Variants in MRPS22 observed in about 807,000 individuals in gnomAD.
MRPS22 encodes small ribosomal subunit protein mS22.
In MRPS22, 30 loss-of-function variants were observed where a neutral mutation model predicts 44.0. The observed-to-expected ratio is 0.68, with a 90% confidence interval of 0.51 to 0.93. The LOEUF (loss-of-function observed/expected upper bound fraction) is 0.93, where lower values mean the gene tolerates loss of function less well. MRPS22 is among the 40% of genes least tolerant of loss of function. The pLI is 0.00. For missense variants in MRPS22, 447 were observed against 447.8 expected (o/e 1.00, Z 0.02); for synonymous variants, 165 against 154.4 (o/e 1.07, Z -0.51).
intron 6 of MRPS22, among the ~76,000 whole-genome samples, chr3:139,353,072 G>A (rs1241817879): frequency 6.6e-6 from 1 of 152,140 alleles, no homozygotes; most frequent in Non-Finnish European, 1.5e-5. Context: ...ATGCTCCTGG[G>A]TTGCTGAACT....
intron 1 of MRPS22, among the ~76,000 whole-genome samples, chr3:139,345,458 T>TG (rs1249462555): frequency 4.7e-5 from 7 of 148,724 alleles, no homozygotes; most frequent in Non-Finnish European, 8.9e-5. Flanking sequence ...TTGTTTTTTT[T>TG]TTTTTTTTGT....
At position 139,344,837 on chromosome 3, in the gene MRPS22, GATTA is replaced by G. The variant is rs543659791; in HGVS notation, c.172+647_172+650del. On this transcript the variant is annotated intron_variant, in intron 1 of 7. Transcript: ENST00000680020. The stretch of plus-strand genomic sequence containing the variant: ...GTCCCATTTACACCAAGATGAAGAA[GATTA>G]ATTAATTGTTGGAACCGTTATTTTG... 4.6e-4 allele frequency: 254 copies of G among 555,170 alleles called. 3 individuals carry two copies. The South Asian group carries it at 5.2e-3, about 11-fold the overall frequency. The allele number at this position is 555,170 out of a possible 1,614,324, so 34.4% of individuals were successfully genotyped here.
chr3:139,348,427 G>C (rs998896811), intron 3 of MRPS22, 103 bp downstream of exon 3: 10 of 1,180,064 alleles, frequency 8.5e-6, no homozygotes, highest in Non-Finnish European at 1.1e-5. Context: ...GTCCAAACCA[G>C]ATTTCCTCTG....
chr3:139,350,671 A>ACCC (rs5852942), intron 4 of MRPS22: 9 of 350,700 alleles, frequency 2.6e-5, no homozygotes, highest in African/African-American at 2.0e-4. Flanking sequence ...CGGGATTCGC[A>ACCC]CCCCCCCCCC....
chr3:139,352,829 A>C, intron 6 of MRPS22, 37 bp downstream of exon 6: 1 of 1,599,824 alleles, frequency 6.3e-7, no homozygotes, highest in East Asian at 2.2e-5. Flanking sequence ...AATCATTCTT[A>C]TTGCTCTAAC....
At position 139,347,999 on chromosome 3, in the gene MRPS22, A is replaced by C. The variant is rs138202200; in HGVS notation, c.340-161A>C. On this transcript the variant is annotated intron_variant, in intron 2 of 7. Transcript: ENST00000680020. ...CAGCCACATCGCAGAGGCAAAGGCC[A>C]GGGCTCACAAGTCCAGGTTTGGCTT... Among the ~76,000 whole-genome samples the C allele has an allele frequency of 2.6e-3, 390 of 152,372 alleles. 1 individual carries two copies. Among genetic ancestry groups the C allele is most frequent in the African/African-American group, 7.2e-3 (301 of 41,584 alleles).
At chr3:139,349,171 T>TA (rs1941101908) in intron 3 of MRPS22, 1 of 347,496 alleles carries the variant, frequency 2.9e-6, no homozygotes, top group Non-Finnish European at 5.6e-6. Context: ...TGTGATGCTT[T>TA]AATATATGTT....
chr3:139,347,018 C>T lies in MRPS22; in HGVS notation c.313C>T (p.Leu105=). The T allele has an allele frequency of 1.2e-6, 2 of 1,614,178 alleles. No homozygotes were observed. Among genetic ancestry groups the T allele is most frequent in the Non-Finnish European group, 1.7e-6 (2 of 1,180,032 alleles). ...AGAACTGAAGCCACCAACCTATAAG[C>T]TAATGACTCAGGCACAGTTGGAAGA... The part of the protein sequence containing the change: ...IQELKPPTYK[L]MTQAQLEEAT... Residue 105 remains leucine (L), a synonymous_variant, in exon 2 of 8, where the codon CTA becomes TTA. Coordinates refer to ENST00000680020, the MANE Select transcript of MRPS22 (RefSeq NM_020191.4).
Position 139,350,990 on chromosome 3 carries a change from A to C in MRPS22, c.662A>C (p.Gln221Pro). The C allele has an allele frequency of 1.2e-6, 2 of 1,614,078 alleles. No individual in the cohort carries two copies. The highest frequency in any genetic ancestry group is 1.7e-6 in the Non-Finnish European group (2 of 1,179,910). The change falls in exon 5 of 8, where the codon CAG becomes CCG. Residue 221 changes from glutamine (Q) to proline (P), a missense_variant. By Grantham distance (76) the Gln-to-Pro change is moderately conservative. Transcript: ENST00000680020. ...GTGTGGTTTTAGACTATGTATAGCC[A>C]GGACAGGCATGTTGATGTCCTCAAT... ...KEENLRTMYS[Q>P]DRHVDVLNLC...
chr3:139,344,497 A>T, intron 1 of MRPS22: 1 of 610,970 alleles, frequency 1.6e-6, no homozygotes, highest in South Asian at 1.9e-5. Flanking sequence ...GTCCATGGGG[A>T]ATTGGCAGTG....
Position 139,344,196 on chromosome 3 carries a change from C to A in MRPS22, c.170C>A (p.Ala57Asp). The A allele has an allele frequency of 6.2e-7, 1 of 1,606,322 alleles. No homozygotes were observed. Among genetic ancestry groups the A allele is most frequent in the Non-Finnish European group, 8.5e-7 (1 of 1,177,136 alleles). Residue 57 changes from alanine to aspartate, a missense_variant and splice_region_variant, in exon 1 of 8, where the codon GCC becomes GAC. Transcript: ENST00000680020. ...CCACGCCGCCGGTTCAGCTCCGAGGCCGGTAAGTGACCTTCCGGACTTTCG... is the reference window on the plus strand; with the variant it reads ...CCACGCCGCCGGTTCAGCTCCGAGGACGGTAAGTGACCTTCCGGACTTTCG... ...GLPRRRFSSE[A>D]AESGSPETKK... is the part of the protein sequence containing the mutation.
At chr3:139,347,584 A>G (rs1177121148) in intron 2 of MRPS22, among the ~76,000 whole-genome samples, 22 of 152,226 alleles carry the variant, frequency 1.4e-4, no homozygotes, top group Admixed American at 1.3e-4. Flanking sequence ...ATGAAGAGTA[A>G]AAGTCCATCT....
chr3:139,348,564 G>A (rs1560006282), intron 3 of MRPS22: 1 of 510,300 alleles, frequency 2.0e-6, no homozygotes, highest in East Asian at 3.6e-5. Flanking sequence ...CAGATGTGCT[G>A]AGGCAGAACA....
intron 3 of MRPS22, among the ~76,000 whole-genome samples, chr3:139,349,891 A>G (rs891187888): frequency 3.9e-5 from 6 of 152,230 alleles, no homozygotes; most frequent in African/African-American, 1.4e-4. Flanking sequence ...TAAAATGGAT[A>G]TAGATGAATC....
At chr3:139,345,455 T>TG (rs1428510009) in intron 1 of MRPS22, among the ~76,000 whole-genome samples, 5 of 148,974 alleles carry the variant, frequency 3.4e-5, no homozygotes, top group Non-Finnish European at 4.5e-5. Flanking sequence ...TTTTTGTTTT[T>TG]TTTTTTTTTT....
intron 6 of MRPS22, among the ~76,000 whole-genome samples, chr3:139,353,830 C>CATA (rs1327567140): frequency 6.6e-6 from 1 of 152,090 alleles, no homozygotes; most frequent in Non-Finnish European, 1.5e-5. Context: ...TCTTTATGTA[C>CATA]GTTATCTCCT....
At chr3:139,356,768 G>C in intron 7 of MRPS22, 151 bp from the exon 8 acceptor site, 2 of 625,388 alleles carry the variant, frequency 3.2e-6, no homozygotes, top group Admixed American at 2.9e-5. Flanking sequence ...ATTAATTATT[G>C]TATAATCGGG....
chr3:139,356,638 T>G (rs2107792692), intron 7 of MRPS22, among the ~76,000 whole-genome samples: 1 of 152,372 alleles, frequency 6.6e-6, no homozygotes, highest in African/African-American at 2.4e-5. Flanking sequence ...GTTTTTGTTT[T>G]GATCTCGAAG....
In MRPS22 at chr3:139,344,109, G is replaced by T; in HGVS notation, c.83G>T (p.Arg28Leu). 1 of 1,614,108 alleles carries T rather than the reference G, an allele frequency of 6.2e-7. No homozygotes were observed. ...GTGGAACGGGTCTGTTTCCGGGCTC[G>T]AATCCAGCCCTGGCACGGTGGCCTG... ...PGVERVCFRA[R>L]IQPWHGGLLQ... Residue 28 changes from arginine to leucine, a missense_variant, in exon 1 of 8, where the codon CGA (arginine) becomes CTA (leucine). Coordinates refer to ENST00000680020, the MANE Select transcript of MRPS22 (RefSeq NM_020191.4).
Sources: gnomAD v4.1 joint callset for allele counts (sites outside exome capture counted in the v4.1 genomes callset) on GRCh38, gnomAD v4.1.1 for gene constraint, MANE v1.5 for transcripts, NCBI Gene and HGNC (gene_info 2026-07-23, HGNC 2026-07-21) for gene names.